Variants in BRAF observed in about 807,000 individuals in gnomAD.
The protein encoded by BRAF is serine/threonine-protein kinase B-raf.
A neutral mutation model predicts 104.6 loss-of-function variants in BRAF; 16 were observed. That is an observed-to-expected ratio of 0.15 (90% CI 0.10 to 0.23). The LOEUF is 0.23. Among genes scored for constraint, BRAF ranks in the 10% least tolerant of loss-of-function variants. The pLI is 1.00. For missense variants in BRAF, 541 were observed against 937.3 expected (o/e 0.58, Z 5.52); for synonymous variants, 310 against 341.6 (o/e 0.91, Z 1.02).
At chr7:140,732,668 G>A (rs1429978015) in intron 19 of BRAF, 2 of 152,166 alleles carry the variant, frequency 1.3e-5, no homozygotes, top group African/African-American at 2.4e-5. Flanking sequence ...AGAAAGAAAG[G>A]AAAGGTGTCA....
intron 1 of BRAF, among the ~76,000 whole-genome samples, chr7:140,856,048 C>G (rs978192602): frequency 6.0e-5 from 9 of 150,716 alleles, no homozygotes; most frequent in Non-Finnish European, 1.2e-4. Context: ...ATAAAATAAT[C>G]CAAACTGTGA....
Position 140,752,721 on chromosome 7 carries a change from A to T in BRAF, c.1980+554T>A, listed in dbSNP as rs569063944. Among the ~76,000 whole-genome samples the T allele has an allele frequency of 1.1e-4, 16 of 152,298 alleles. No individual in the cohort carries two copies. In the South Asian group the frequency reaches 1.5e-3, roughly 14 times the overall value. ...TCCAGCTGCCCCATAATTATGAGAT[A>T]CTTTCTAGTCTAAAGGAAGTAACTT... is the stretch of plus-strand genomic sequence containing the variant. On this transcript the variant is annotated intron_variant, in intron 16 of 19. Transcript: ENST00000644969.
intron 2 of BRAF, among the ~76,000 whole-genome samples, chr7:140,843,646 A>T (rs1808229485): frequency 6.6e-6 from 1 of 152,136 alleles, no homozygotes; most frequent in Admixed American, 6.5e-5. Flanking sequence ...ACATTTATTT[A>T]TATATATACA....
chr7:140,916,764 T>C (rs574799728), intron 1 of BRAF, among the ~76,000 whole-genome samples: 191 of 152,312 alleles, frequency 1.3e-3, no homozygotes, highest in African/African-American at 4.4e-3. Flanking sequence ...TCTTAAGTAT[T>C]TGGGGGTAGA....
intron 1 of BRAF, among the ~76,000 whole-genome samples, chr7:140,871,364 G>C (rs1811577486): frequency 6.6e-6 from 1 of 151,706 alleles, no homozygotes; most frequent in South Asian, 2.1e-4. Context: ...TATGGCCAGA[G>C]ACAGAATTAT....
intron 3 of BRAF, among the ~76,000 whole-genome samples, chr7:140,818,456 G>A (rs1805120968): frequency 6.6e-6 from 1 of 151,966 alleles, no homozygotes; most frequent in Non-Finnish European, 1.5e-5. Flanking sequence ...GGGATTACAG[G>A]TGTGCGCCAC....
At chr7:140,717,588 G>A (rs1400840542), downstream of BRAF, among the ~76,000 whole-genome samples, 2 of 152,154 alleles carry the variant, frequency 1.3e-5, no homozygotes, top group Non-Finnish European at 2.9e-5. Flanking sequence ...TTGAGTCTAG[G>A]AGAACTATAT....
chr7:140,776,957 A>G lies in BRAF; in HGVS notation c.1769T>C (p.Met590Thr). The change falls in exon 14 of 20, where the codon ATG (methionine) becomes ACG (threonine). Residue 590 changes from methionine to threonine, a missense_variant. By Grantham distance (81) the Met-to-Thr change is moderately conservative. Transcript: ENST00000644969. ...TCGTGCAATATCTATAAGTTTGATC[A>G]TCTCAAATTTGGTCTCAATGATATG... ...HLHIIETKFE[M>T]IKLIDIARQT... The G allele has an allele frequency of 6.2e-7, 1 of 1,613,756 alleles. No homozygotes were observed. Among genetic ancestry groups the G allele is most frequent in the Non-Finnish European group, 8.5e-7 (1 of 1,179,864 alleles).
At chr7:140,783,769 T>C (rs1293397033) in intron 10 of BRAF, among the ~76,000 whole-genome samples, 2 of 152,188 alleles carry the variant, frequency 1.3e-5, no homozygotes, top group South Asian at 2.1e-4. Context: ...CAAAGATTAT[T>C]TGTTACCTAC....
chr7:140,797,481 C>T (rs1217135559), intron 7 of BRAF, among the ~76,000 whole-genome samples: 1 of 152,108 alleles, frequency 6.6e-6, no homozygotes, highest in African/African-American at 2.4e-5. Flanking sequence ...TGATACTGAA[C>T]AAGATTGGCT....
rs181410349 is a variant in BRAF at position 140,895,015 on chromosome 7, G to A, written c.138+29551C>T. ...ATCAGCTCTTGATACCAAAACCATG[G>A]AACAGCTCAGAGAGGTATAGACTGA... On this transcript the variant is annotated intron_variant, in intron 1 of 19. Transcript: ENST00000644969. Among the ~76,000 whole-genome samples the A allele has an allele frequency of 4.4e-4, 67 of 152,180 alleles. No individual in the cohort carries two copies. The South Asian group carries it at 8.5e-3, about 19-fold the overall frequency.
At chr7:140,871,745 G>A (rs989054366) in intron 1 of BRAF, among the ~76,000 whole-genome samples, 7 of 152,014 alleles carry the variant, frequency 4.6e-5, no homozygotes, top group Non-Finnish European at 8.8e-5. Flanking sequence ...GACATGTATG[G>A]CTATTTAATT....
intron 16 of BRAF, 53 bp from the exon 16 acceptor site, chr7:140,749,471 A>C: frequency 6.4e-7 from 1 of 1,572,444 alleles, no homozygotes; most frequent in Non-Finnish European, 8.7e-7. Flanking sequence ...ATAAAGACTG[A>C]AAAACAACCT....
rs991656499 is a variant in BRAF at position 140,924,803 on chromosome 7, G to T, written c.-100C>A. ...GGCGGAGGCGGAGGCGGAGGCGGAG[G>T]AGCGGGGGGCGCGGGGGGCGCGGGG... is the stretch of plus-strand genomic sequence containing the variant. On this transcript the variant is annotated 5_prime_UTR_variant, in exon 1 of 20. Transcript: ENST00000644969. The surrounding 1 kb of genome is among the most constrained non-coding windows in gnomAD (Gnocchi z 4.2). The T allele has an allele frequency of 2.2e-6, 1 of 444,610 alleles. No homozygotes were observed. Among genetic ancestry groups the T allele is most frequent in the East Asian group, 3.8e-5 (1 of 26,518 alleles). 27.5% of individuals were successfully genotyped at this position (444,610 alleles called of 1,614,324 possible). A position where few individuals can be genotyped will look rare whatever the true frequency, so the allele number is the denominator to read the frequency against.
intron 2 of BRAF, among the ~76,000 whole-genome samples, chr7:140,849,192 C>G (rs1374862643): frequency 2.0e-5 from 3 of 152,100 alleles, no homozygotes; most frequent in African/African-American, 4.8e-5. Context: ...TCTGTAACAC[C>G]TTGTTGGCTG....
intron 2 of BRAF, among the ~76,000 whole-genome samples, chr7:140,837,651 T>A (rs894901059): frequency 6.6e-6 from 1 of 152,246 alleles, no homozygotes; most frequent in Non-Finnish European, 1.5e-5. Flanking sequence ...CTATGATCAA[T>A]TTATGGAACT....
chr7:140,859,966 C>A (rs974726099), intron 1 of BRAF, among the ~76,000 whole-genome samples: 1 of 152,136 alleles, frequency 6.6e-6, no homozygotes, highest in African/African-American at 2.4e-5. Flanking sequence ...GGATTACAGG[C>A]GTAAGCCACT....
chr7:140,870,274 T>C (rs1048417662), intron 1 of BRAF, among the ~76,000 whole-genome samples: 2 of 152,210 alleles, frequency 1.3e-5, no homozygotes, highest in Non-Finnish European at 2.9e-5. Flanking sequence ...TTACTCTGAT[T>C]ATTTTTATGA....
chr7:140,807,006 A>G (rs554685248), intron 5 of BRAF, among the ~76,000 whole-genome samples: 1 of 152,296 alleles, frequency 6.6e-6, no homozygotes, highest in African/African-American at 2.4e-5. Context: ...CCATACATAG[A>G]GAAAAGTAAG....
Sources: allele counts gnomAD v4.1 joint callset (sites outside exome capture counted in the v4.1 genomes callset), GRCh38; gene constraint gnomAD v4.1.1; non-coding constraint Gnocchi (gnomAD v3.1); transcripts MANE v1.5; gene names NCBI Gene and HGNC (gene_info 2026-07-23, HGNC 2026-07-21).